The following TP73 variants were observed in gnomAD, a reference collection of about 807,000 sequenced individuals.
TP73 encodes p53-like transcription factor.
TP73 carries 25 observed loss-of-function variants against 62.5 expected under a neutral mutation model. The observed-to-expected ratio is 0.40, with a 90% CI of 0.29 to 0.56. The LOEUF is 0.56. TP73 is among the 20% of genes least tolerant of loss of function. The pLI, the probability that TP73 is intolerant of heterozygous loss-of-function variation, is 0.46. For synonymous variants in TP73, 423 were observed against 377.5 expected, an observed-to-expected ratio of 1.12 and a Z score of -1.40; for missense variants, 754 against 913.3, an observed-to-expected ratio of 0.83 and a Z score of 2.25.
intron 4 of TP73, among the ~76,000 whole-genome samples, chr1:3,713,477 G>A (rs906992396): frequency 4.6e-5 from 7 of 152,240 alleles, no homozygotes; most frequent in East Asian, 1.9e-4. Context: ...ACCTTGGGCC[G>A]TGTGGGACTC....
Position 3,733,200 on chromosome 1 carries a change from C to A in TP73, c.*121C>A. ...CCTTCGGGCTGTGCCCGGGGAAAGGCAAGGTCCGGCCCATCCCCAGGCACC... is the reference window on the plus strand; with the variant it reads ...CCTTCGGGCTGTGCCCGGGGAAAGGAAAGGTCCGGCCCATCCCCAGGCACC... On this transcript the variant is annotated 3_prime_UTR_variant, in exon 14 of 14. Transcript: ENST00000378295. The A allele has an allele frequency of 8.2e-7, 1 of 1,216,788 alleles. No individual in the cohort carries two copies. The highest frequency in any genetic ancestry group is 1.1e-6 in the Non-Finnish European group (1 of 895,358). The allele number at this position is 1,216,788 out of a possible 1,614,324, so 75.4% of individuals were successfully genotyped here. A position where few individuals can be genotyped will look rare whatever the true frequency, so the allele number is the denominator to read the frequency against.
intron 4 of TP73, among the ~76,000 whole-genome samples, chr1:3,712,938 C>T (rs1640278378): frequency 6.6e-6 from 1 of 152,126 alleles, no homozygotes; most frequent in African/African-American, 2.4e-5. Context: ...AGCCCCTGCC[C>T]CCTGCCCCAC....
Position 3,663,716 on chromosome 1 carries a change from A to G in TP73, c.-34+11075A>G, listed in dbSNP as rs1645049815. On this transcript the variant is annotated intron_variant, in intron 1 of 13. Transcript: ENST00000378295. This position sits in a 1 kb window ranked among gnomAD's most constrained non-coding sequence, Gnocchi z 4.7. ...ATCTCAAAAAAAAAAAAAAAGAAAGAAAGAAAGGATACAGACATCCTGAAC... is the reference window on the plus strand; with the variant it reads ...ATCTCAAAAAAAAAAAAAAAGAAAGGAAGAAAGGATACAGACATCCTGAAC... Among the ~76,000 whole-genome samples, 5 of 151,270 alleles carry G rather than the reference A, an allele frequency of 3.3e-5. No homozygotes were observed. The highest frequency in any genetic ancestry group is 2.6e-4 in the Admixed American group (4 of 15,214).
In TP73 at chr1:3,733,520, G is replaced by T; in HGVS notation, c.*441G>T. On this transcript the variant is annotated 3_prime_UTR_variant, in exon 14 of 14. Coordinates refer to ENST00000378295, the MANE Select transcript of TP73 (RefSeq NM_005427.4). ...CAAAAAGTATTTTGCGACATCTTTTGGTTCTGGATAGTAGTGAGCAGCCAA... is the reference window on the plus strand; with the variant it reads ...CAAAAAGTATTTTGCGACATCTTTTTGTTCTGGATAGTAGTGAGCAGCCAA... 4.8e-6 allele frequency: 1 copy of T among 206,476 alleles called. No individual in the cohort carries two copies. The highest frequency in any genetic ancestry group is 1.0e-4 in the South Asian group (1 of 9,652). The allele number at this position is 206,476 out of a possible 1,614,324, so 12.8% of individuals were successfully genotyped here.
chr1:3,655,539 A>C (rs1644848180), intron 1 of TP73, among the ~76,000 whole-genome samples: 1 of 152,254 alleles, frequency 6.6e-6, no homozygotes, highest in South Asian at 2.1e-4. Flanking sequence ...AAAAGCAAAA[A>C]AGAAAAAAGC....
chr1:3,715,694 C>T (rs1049160914), intron 4 of TP73, among the ~76,000 whole-genome samples: 2 of 152,222 alleles, frequency 1.3e-5, no homozygotes, highest in African/African-American at 4.8e-5. Flanking sequence ...CCAACAGAGG[C>T]AGACACCTTG....
Position 3,699,598 on chromosome 1 carries a change from C to T in TP73, c.187-7951C>T, listed in dbSNP as rs530905167. ...CTGGAAACGTCTGTCACGGGCACAC[C>T]ATGCACCATGCCATGGCTGCCAGTG... On this transcript the variant is annotated intron_variant, in intron 3 of 13. Transcript: ENST00000378295. This position sits in a 1 kb window ranked among gnomAD's most constrained non-coding sequence, Gnocchi z 4.1. 3.9e-5 allele frequency among the ~76,000 whole-genome samples: 6 copies of T among 152,340 alleles called. No homozygotes were observed. Among genetic ancestry groups the T allele is most frequent in the African/African-American group, 1.4e-4 (6 of 41,582 alleles).
At chr1:3,704,615 G>A (rs543526660) in intron 3 of TP73, among the ~76,000 whole-genome samples, 2 of 152,354 alleles carry the variant, frequency 1.3e-5, no homozygotes, top group African/African-American at 4.8e-5. Flanking sequence ...CTCTGAGCCC[G>A]GACAGGGCTG....
At chr1:3,704,957 G>A (rs1639505451) in intron 3 of TP73, among the ~76,000 whole-genome samples, 1 of 152,228 alleles carries the variant, frequency 6.6e-6, no homozygotes, top group African/African-American at 2.4e-5. Context: ...CTCTGAGGGG[G>A]GCAGTGGCTG....
chr1:3,682,215 A>G (rs1645540829), intron 1 of TP73, 118 bp from the exon 2 acceptor site: 2 of 682,928 alleles, frequency 2.9e-6, no homozygotes, highest in South Asian at 6.0e-5. Context: ...AGGCGGGGGC[A>G]CCTGCTCCAG....
At position 3,683,696 on chromosome 1, in the gene TP73, G is replaced by A. The variant is rs766984991; in HGVS notation, c.186+516G>A. Among the ~76,000 whole-genome samples, 78 of 152,318 alleles carry A rather than the reference G, an allele frequency of 5.1e-4. 1 individual carries two copies. The highest frequency in any genetic ancestry group is 2.6e-4 in the Admixed American group (4 of 15,304). On this transcript the variant is annotated intron_variant, in intron 3 of 13. Coordinates refer to ENST00000378295, the MANE Select transcript of TP73 (RefSeq NM_005427.4). ...CAGCATGCCCTATCCCTGTGGAGAG[G>A]AGATCCCTCTTTTCCCATAGTCCAG... is the stretch of plus-strand genomic sequence containing the variant.
At position 3,666,131 on chromosome 1, in the gene TP73, A is replaced by G. The variant is rs1319235090; in HGVS notation, c.-34+13490A>G. ...AAGAGCAAAACTCTGTCTCAAAAAA[A>G]AAAAAAAAAAAAAAAAAAAAGAGAG... is the stretch of plus-strand genomic sequence containing the variant. On this transcript the variant is annotated intron_variant, in intron 1 of 13. Coordinates refer to ENST00000378295, the MANE Select transcript of TP73 (RefSeq NM_005427.4). This position sits in a 1 kb window ranked among gnomAD's most constrained non-coding sequence, Gnocchi z 6.4. Among the ~76,000 whole-genome samples the G allele has an allele frequency of 7.0e-6, 1 of 142,116 alleles. No homozygotes were observed. The highest frequency in any genetic ancestry group is 1.6e-5 in the Non-Finnish European group (1 of 64,106). The allele number at this position is 142,116 out of a possible 152,430, so 93.2% of individuals were successfully genotyped here.
rs180888700 is a variant in TP73 at position 3,733,463 on chromosome 1, A to C, written c.*384A>C. ...TCTCCCAACCAGGCGAGGTCCTTCC[A>C]AAGGAAAGGATCCTCTTTGCTGATG... On this transcript the variant is annotated 3_prime_UTR_variant, in exon 14 of 14. Coordinates refer to ENST00000378295, the MANE Select transcript of TP73 (RefSeq NM_005427.4). The C allele has an allele frequency of 3.5e-4, 100 of 284,484 alleles. No individual in the cohort carries two copies. Among genetic ancestry groups the C allele is most frequent in the African/African-American group, 1.9e-3 (89 of 46,280 alleles). The allele number at this position is 284,484 out of a possible 1,614,324, so 17.6% of individuals were successfully genotyped here. A position where few individuals can be genotyped will look rare whatever the true frequency, so the allele number is the denominator to read the frequency against.
intron 1 of TP73, among the ~76,000 whole-genome samples, chr1:3,669,520 C>G (rs549354703): frequency 1.3e-5 from 2 of 152,270 alleles, no homozygotes; most frequent in Admixed American, 6.5e-5. Flanking sequence ...CGCAGAGTGA[C>G]TGCCCCAGCC....
intron 4 of TP73, among the ~76,000 whole-genome samples, chr1:3,717,096 G>C (rs888210908): frequency 2.0e-5 from 3 of 152,256 alleles, no homozygotes; most frequent in Non-Finnish European, 4.4e-5. Context: ...TTTGCGGTTT[G>C]CAAGATGCTA....
chr1:3,732,977 C>A lies in TP73; in HGVS notation c.1809C>A (p.Gly603=), dbSNP rs768837390. ...TITIPNRGGP[G]GGPDEWADFG... ...CCATCCCCAACCGCGGCGGCCCAGG[C>A]GGCGGCCCTGACGAGTGGGCGGACT... The change falls in exon 14 of 14, where the codon GGC becomes GGA. Residue 603 remains glycine (G), a synonymous_variant. Coordinates refer to ENST00000378295, the MANE Select transcript of TP73 (RefSeq NM_005427.4). 30 of 1,598,096 alleles carry A rather than the reference C, an allele frequency of 1.9e-5. No homozygotes were observed. The highest frequency in any genetic ancestry group is 2.1e-5 in the Non-Finnish European group (25 of 1,175,162).
chr1:3,656,192 A>AT (rs1286771851), intron 1 of TP73, among the ~76,000 whole-genome samples: 6 of 151,600 alleles, frequency 4.0e-5, no homozygotes, highest in African/African-American at 1.5e-4. Flanking sequence ...AAAAAAAAAA[A>AT]TCCCTCTGCT....
At chr1:3,655,106 G>T (rs1463456703) in intron 1 of TP73, among the ~76,000 whole-genome samples, 1 of 152,246 alleles carries the variant, frequency 6.6e-6, no homozygotes, top group African/African-American at 2.4e-5. Flanking sequence ...ATCCTTTAAG[G>T]CCAGGCGCCG....
chr1:3,731,618 G>A (rs1007111749), intron 13 of TP73, 62 bp downstream of exon 13: 8 of 1,456,664 alleles, frequency 5.5e-6, no homozygotes, highest in Middle Eastern at 1.9e-4. Context: ...TGTCCGGAGG[G>A]CAAAGAGCCT....
Sources: gnomAD v4.1 joint callset for allele counts (sites outside exome capture counted in the v4.1 genomes callset) on GRCh38, gnomAD v4.1.1 for gene constraint, Gnocchi (gnomAD v3.1) non-coding constraint, MANE v1.5 for transcripts, NCBI Gene and HGNC (gene_info 2026-07-23, HGNC 2026-07-21) for gene names.